The following EIF1AX variants were observed in gnomAD, a reference collection of about 807,000 sequenced individuals.
EIF1AX encodes eukaryotic translation initiation factor 1A X-linked.
Under a neutral mutation model 16.1 loss-of-function variants are expected in EIF1AX, and 1 was observed. The observed-to-expected ratio is 0.06, with a 90% CI of 0.02 to 0.30. EIF1AX has a LOEUF of 0.30. Ranked by LOEUF, EIF1AX falls within the 10% of genes least tolerant of loss-of-function variation. The pLI is 1.00. For synonymous variants in EIF1AX, 32 were observed against 37.3 expected (o/e 0.86, Z 0.51); for missense variants, 11 against 109.1 (o/e 0.10, Z 4.00).
chrX:20,136,083 T>C (rs2067015871), intron 2 of EIF1AX: 2 of 334,448 alleles, frequency 6.0e-6, no homozygotes, highest in East Asian at 1.1e-4. Flanking sequence ...AGGTCAAGTG[T>C]AGAAAACTTC....
At chrX:20,132,298 C>CA (rs2067003670) in intron 4 of EIF1AX, 35 bp from the exon 5 acceptor site, 1 of 911,792 alleles carries the variant, frequency 1.1e-6, no homozygotes, top group Admixed American at 2.5e-5. Context: ...AAAAACTGAT[C>CA]ATAACAAAAT....
chrX:20,125,250 G>C lies in EIF1AX; in HGVS notation c.*3056C>G. 1 of 165,613 alleles carries C rather than the reference G, an allele frequency of 6.0e-6. No individual in the cohort carries two copies. The highest frequency in any genetic ancestry group is 8.9e-5 in the East Asian group (1 of 11,253). 13.6% of individuals were successfully genotyped at this position (165,613 alleles called of 1,213,427 possible). ...CTAGCAACTTGCAGGGCTAGGAGGG[G>C]GGAATAAGAGAGGACAAAGTCCAAT... On this transcript the variant is annotated 3_prime_UTR_variant, in exon 7 of 7. Transcript: ENST00000379607.
In EIF1AX at chrX:20,124,665, T is replaced by C. The variant is rs2066979064; in HGVS notation, c.*3641A>G. On this transcript the variant is annotated 3_prime_UTR_variant, in exon 7 of 7. Transcript: ENST00000379607. ...ATGAATCTATAGTAAAAGGAATCAC[T>C]GAAGATTTAAGAATAAAATATTATC... 1 of 144,796 alleles carries C rather than the reference T, an allele frequency of 6.9e-6. No individual in the cohort carries two copies. The highest frequency in any genetic ancestry group is 8.7e-5 in the Admixed American group (1 of 11,524). The allele number at this position is 144,796 out of a possible 1,213,427, so 11.9% of individuals were successfully genotyped here. A position where few individuals can be genotyped will look rare whatever the true frequency, so the allele number is the denominator to read the frequency against.
intron 1 of EIF1AX, 24 bp downstream of exon 1, chrX:20,141,601 G>T: frequency 8.7e-7 from 1 of 1,152,039 alleles, no homozygotes; most frequent in Non-Finnish European, 1.2e-6. Context: ...CAGAGCCGTG[G>T]TCCGGGGGTC....
Position 20,135,854 on chromosome X carries a change from A to C in EIF1AX, c.101-13T>G. On this transcript the variant is annotated splice_polypyrimidine_tract_variant and intron_variant, in intron 2 of 6. Coordinates refer to ENST00000379607, the MANE Select transcript of EIF1AX (RefSeq NM_001412.4). ...ACCTGAGCATACTCTAGCGGGGAGA[A>C]AGGAAAAGGGTATGGAATATTGTTC... 1 of 1,128,176 alleles carries C rather than the reference A, an allele frequency of 8.9e-7. No individual in the cohort carries two copies. Among genetic ancestry groups the C allele is most frequent in the Non-Finnish European group, 1.2e-6 (1 of 819,558 alleles). The allele number at this position is 1,128,176 out of a possible 1,213,427, so 93.0% of individuals were successfully genotyped here.
intron 1 of EIF1AX, among the ~76,000 whole-genome samples, chrX:20,139,011 G>A (rs1166162648): frequency 8.9e-6 from 1 of 112,200 alleles, no homozygotes. Flanking sequence ...CAAGGAACCC[G>A]ATACTTTCAA....
chrX:20,134,280 C>T (rs2067009199), intron 3 of EIF1AX, among the ~76,000 whole-genome samples: 1 of 111,368 alleles, frequency 9.0e-6, no homozygotes, highest in East Asian at 2.8e-4. Flanking sequence ...CCCAGCTACT[C>T]GGGAGGCTGA....
intron 4 of EIF1AX, among the ~76,000 whole-genome samples, chrX:20,132,608 G>A (rs1487218816): frequency 2.7e-5 from 3 of 111,833 alleles, no homozygotes; most frequent in African/African-American, 9.7e-5. Flanking sequence ...AATTTGCAGG[G>A]TGATCAAACA....
At chrX:20,129,140 GTTTA>G (rs1297426588) in intron 6 of EIF1AX, among the ~76,000 whole-genome samples, 2 of 111,497 alleles carry the variant, frequency 1.8e-5, no homozygotes, top group Non-Finnish European at 3.8e-5. Flanking sequence ...AGAACAACAT[GTTTA>G]TTTCTCACTT....
chrX:20,132,561 A>C (rs912051898), intron 4 of EIF1AX, among the ~76,000 whole-genome samples: 2 of 112,142 alleles, frequency 1.8e-5, no homozygotes, highest in African/African-American at 6.5e-5. Context: ...CCCTTTGATC[A>C]GAAGTCTTTT....
chrX:20,141,560 C>T, intron 1 of EIF1AX, 65 bp downstream of exon 1: 1 of 1,126,106 alleles, frequency 8.9e-7, no homozygotes. Flanking sequence ...GACCTGCAAT[C>T]TACGGGCAGG....
rs2066991047 is a variant in EIF1AX at position 20,128,171 on chromosome X, TA to T, written c.*134del. ...TTATCAGTTTTAAAAAAACCAAAAA[TA>T]TCTTAGAAACAAATCAGTCTGCTTT... On this transcript the variant is annotated 3_prime_UTR_variant, in exon 7 of 7. Transcript: ENST00000379607. 1.7e-6 allele frequency: 1 copy of T among 581,056 alleles called. No individual in the cohort carries two copies. The highest frequency in any genetic ancestry group is 2.6e-6 in the Non-Finnish European group (1 of 383,322). The allele number at this position is 581,056 out of a possible 1,213,427, so 47.9% of individuals were successfully genotyped here. A position where few individuals can be genotyped will look rare whatever the true frequency, so the allele number is the denominator to read the frequency against.
chrX:20,134,461 G>T (rs1357273689), intron 3 of EIF1AX, among the ~76,000 whole-genome samples: 2 of 111,478 alleles, frequency 1.8e-5, no homozygotes, highest in Non-Finnish European at 3.8e-5. Flanking sequence ...AGTTTGGGCT[G>T]GCATTGTGGC....
intron 4 of EIF1AX, 81 bp from the exon 5 acceptor site, chrX:20,132,344 A>C (rs1275693606): frequency 1.6e-6 from 1 of 626,668 alleles, no homozygotes; most frequent in African/African-American, 2.3e-5. Flanking sequence ...ATATTGAATA[A>C]ACAATCAAAT....
rs769057096 is a variant in EIF1AX, at chrX:20,141,632, C to T, written c.9G>A (p.Lys3=). Reference sequence around the variant, plus strand: ...GGGTCCGGGCGGCATTACCTTTATTCTTGGGCATGGCGGTGGCGGCGACCT... The same window carrying T: ...GGGTCCGGGCGGCATTACCTTTATTTTTGGGCATGGCGGTGGCGGCGACCT... MP[K]NKGKGGKNRR... is the part of the protein sequence containing the mutation. The change falls in exon 1 of 7, where the codon AAG becomes AAA. Residue 3 remains lysine, a synonymous_variant. Coordinates refer to ENST00000379607, the MANE Select transcript of EIF1AX (RefSeq NM_001412.4). 8 of 1,155,875 alleles carry T rather than the reference C, an allele frequency of 6.9e-6. No individual in the cohort carries two copies. In the East Asian group the frequency reaches 2.4e-4, roughly 34 times the overall value.
intron 3 of EIF1AX, among the ~76,000 whole-genome samples, chrX:20,134,319 C>T (rs1350181994): frequency 3.6e-5 from 4 of 110,825 alleles, no homozygotes; most frequent in African/African-American, 1.3e-4. Flanking sequence ...ACCTGGGAGA[C>T]GGAGGTTGCA....
At chrX:20,134,412 TTAAAAGAAAAAA>T (rs1183245282) in intron 3 of EIF1AX, among the ~76,000 whole-genome samples, 1 of 103,848 alleles carries the variant, frequency 9.6e-6, no homozygotes, top group African/African-American at 3.6e-5. Context: ...ATAAACTTCT[TTAAAAGAAAAAA>T]AAAAAGAAAA....
Position 20,125,877 on chromosome X carries a change from T to G in EIF1AX, c.*2429A>C, listed in dbSNP as rs901524545. The G allele has an allele frequency of 9.0e-5, 14 of 154,809 alleles. No individual in the cohort carries two copies. Among genetic ancestry groups the G allele is most frequent in the Non-Finnish European group, 1.8e-4 (14 of 79,604 alleles). 12.8% of individuals were successfully genotyped at this position (154,809 alleles called of 1,213,427 possible). On this transcript the variant is annotated 3_prime_UTR_variant, in exon 7 of 7. Coordinates refer to ENST00000379607, the MANE Select transcript of EIF1AX (RefSeq NM_001412.4). ...AAAATACAAGAATTTCCATCATGCA[T>G]AGTTTACAGGCTTGGTAAGAAGCGG...
chrX:20,141,681 G>A lies in EIF1AX; in HGVS notation c.-41C>T, dbSNP rs1254890668. ...CTCGCGGCGTCTCTGACTTCTTTCCGGGTAGCGGCGACCGCGGCGGCTGCT... is the reference window on the plus strand; with the variant it reads ...CTCGCGGCGTCTCTGACTTCTTTCCAGGTAGCGGCGACCGCGGCGGCTGCT... On this transcript the variant is annotated 5_prime_UTR_variant, in exon 1 of 7. Coordinates refer to ENST00000379607, the MANE Select transcript of EIF1AX (RefSeq NM_001412.4). 29 of 1,137,798 alleles carry A rather than the reference G, an allele frequency of 2.5e-5. No individual in the cohort carries two copies. The highest frequency in any genetic ancestry group is 3.3e-5 in the Non-Finnish European group (28 of 855,198). The allele number at this position is 1,137,798 out of a possible 1,213,427, so 93.8% of individuals were successfully genotyped here.
Sources: allele counts gnomAD v4.1 joint callset (sites outside exome capture counted in the v4.1 genomes callset), GRCh38; gene constraint gnomAD v4.1.1; transcripts MANE v1.5; gene names NCBI Gene and HGNC (gene_info 2026-07-23, HGNC 2026-07-21).